Variants in ADAMTS3 observed in about 807,000 individuals in gnomAD.
ADAMTS3 encodes the protein ADAM metallopeptidase with thrombospondin type 1 motif 3.
In ADAMTS3, 73 loss-of-function variants were observed where a neutral mutation model predicts 129.0. That is an observed-to-expected ratio of 0.57 (90% confidence interval 0.47 to 0.69). The LOEUF (loss-of-function observed/expected upper bound fraction) is 0.69. Ranked by LOEUF, ADAMTS3 falls within the 30% of genes least tolerant of loss-of-function variation. The pLI is 0.00. For missense variants in ADAMTS3, 1,457 were observed against 1,514.5 expected (o/e 0.96, Z 0.63); for synonymous variants, 477 against 510.8 (o/e 0.93, Z 0.89).
intron 19 of ADAMTS3, among the ~76,000 whole-genome samples, chr4:72,293,493 T>C (rs1244552754): frequency 6.6e-6 from 1 of 152,142 alleles, no homozygotes; most frequent in African/African-American, 2.4e-5. Flanking sequence ...TTTAGAAACC[T>C]ATACACATTT....
chr4:72,315,680 T>A (rs2109802498), intron 11 of ADAMTS3, among the ~76,000 whole-genome samples, 178 bp downstream of exon 11: 1 of 152,328 alleles, frequency 6.6e-6, no homozygotes, highest in East Asian at 1.9e-4. Flanking sequence ...TGTGAAAATT[T>A]GTTACCTTAG....
intron 17 of ADAMTS3, among the ~76,000 whole-genome samples, chr4:72,299,345 T>C (rs1486424822): frequency 2.0e-5 from 3 of 148,744 alleles, no homozygotes; most frequent in Admixed American, 6.6e-5. Context: ...TGTAGCTAAA[T>C]TGCACTTGTA....
At position 72,305,995 on chromosome 4, in the gene ADAMTS3, T is replaced by G; in HGVS notation, c.2252A>C (p.His751Pro). 1 of 1,611,110 alleles carries G rather than the reference T, an allele frequency of 6.2e-7. No homozygotes were observed. The highest frequency in any genetic ancestry group is 8.5e-7 in the Non-Finnish European group (1 of 1,178,338). The part of the protein sequence containing the change: ...VLIQEDEASP[H>P]ILAIKNQATG... ...CAGACAGAAACACTTACCAAGAATA[T>G]GAGGAGAAGCCTCGTCTTCTTGGAT... is the stretch of plus-strand genomic sequence containing the variant. The change falls in exon 16 of 22, where the codon CAT becomes CCT. Residue 751 changes from histidine to proline, a missense_variant. Physicochemically the swap from His to Pro is moderately conservative, Grantham distance 77 (BLOSUM62 -2). Transcript: ENST00000286657.
intron 20 of ADAMTS3, 41 bp from the exon 21 acceptor site, chr4:72,288,909 C>T (rs893203235): frequency 1.2e-6 from 1 of 843,316 alleles, no homozygotes; most frequent in Non-Finnish European, 2.0e-6. Flanking sequence ...TTTATTGCAC[C>T]AAGACCATGC....
chr4:72,455,743 T>A (rs185074497), intron 3 of ADAMTS3, among the ~76,000 whole-genome samples: 4 of 145,104 alleles, frequency 2.8e-5, no homozygotes, highest in South Asian at 2.1e-4. Context: ...ATTTTTACAA[T>A]TTTTTTCTCA....
chr4:72,303,380 C>T (rs914463887), intron 17 of ADAMTS3, among the ~76,000 whole-genome samples: 5 of 151,894 alleles, frequency 3.3e-5, no homozygotes, highest in Admixed American at 3.3e-4. Context: ...AAACACAGTG[C>T]TGAAAGAAGG....
intron 15 of ADAMTS3, among the ~76,000 whole-genome samples, chr4:72,307,249 AG>A (rs1272148209): frequency 2.0e-5 from 3 of 152,044 alleles, no homozygotes; most frequent in Non-Finnish European, 4.4e-5. Context: ...TTTTGGGATC[AG>A]GGTGTTCAGC....
intron 4 of ADAMTS3, among the ~76,000 whole-genome samples, chr4:72,389,845 T>C (rs1193397476): frequency 1.3e-5 from 2 of 152,124 alleles, no homozygotes. Context: ...ACTCTAACAA[T>C]AAATGAAATT....
At chr4:72,411,265 T>A (rs1229104064) in intron 4 of ADAMTS3, among the ~76,000 whole-genome samples, 3 of 152,124 alleles carry the variant, frequency 2.0e-5, no homozygotes, top group African/African-American at 7.2e-5. Flanking sequence ...CTGTGACTTT[T>A]GTTGGAAACT....
At chr4:72,289,465 T>G (rs1718602461) in intron 20 of ADAMTS3, among the ~76,000 whole-genome samples, 1 of 152,200 alleles carries the variant, frequency 6.6e-6, no homozygotes, top group Non-Finnish European at 1.5e-5. Flanking sequence ...TTTACTGCTC[T>G]AAAACTAAGC....
chr4:72,564,910 A>G (rs1721985908), intron 2 of ADAMTS3, among the ~76,000 whole-genome samples: 1 of 152,184 alleles, frequency 6.6e-6, no homozygotes, highest in Non-Finnish European at 1.5e-5. Context: ...AAAAACTGAC[A>G]CAATCAATTT....
chr4:72,380,340 C>T (rs1040856266), intron 4 of ADAMTS3, among the ~76,000 whole-genome samples: 2 of 152,086 alleles, frequency 1.3e-5, no homozygotes, highest in Non-Finnish European at 2.9e-5. Context: ...AAAGTTTAAA[C>T]CCAAAGACCT....
chr4:72,353,198 T>C (rs1456037388), intron 4 of ADAMTS3, among the ~76,000 whole-genome samples: 1 of 152,004 alleles, frequency 6.6e-6, no homozygotes, highest in East Asian at 1.9e-4. Flanking sequence ...GGCTTCCATG[T>C]CCTTGTTACA....
At chr4:72,402,715 G>C (rs1283033042) in intron 4 of ADAMTS3, among the ~76,000 whole-genome samples, 1 of 152,062 alleles carries the variant, frequency 6.6e-6, no homozygotes, top group South Asian at 2.1e-4. Context: ...AAAACTAGCT[G>C]AAGAGATCAG....
chr4:72,501,867 T>C (rs753390868), intron 3 of ADAMTS3, among the ~76,000 whole-genome samples: 73 of 152,190 alleles, frequency 4.8e-4, no homozygotes, highest in Non-Finnish European at 9.7e-4. Context: ...TCTATTGAGA[T>C]GATCGTATGA....
chr4:72,473,451 A>T (rs1719135636), intron 3 of ADAMTS3, among the ~76,000 whole-genome samples: 1 of 151,900 alleles, frequency 6.6e-6, no homozygotes. Context: ...ACAAAGCCCT[A>T]AAAAAAACAT....
intron 3 of ADAMTS3, among the ~76,000 whole-genome samples, chr4:72,527,699 A>G (rs974463850): frequency 4.6e-5 from 7 of 152,192 alleles, no homozygotes; most frequent in African/African-American, 1.7e-4. Context: ...CAGAAACCAA[A>G]GAGACATGGC....
At chr4:72,430,287 A>C (rs1430636174) in intron 3 of ADAMTS3, among the ~76,000 whole-genome samples, 1 of 152,016 alleles carries the variant, frequency 6.6e-6, no homozygotes, top group Non-Finnish European at 1.5e-5. Context: ...TTCTGAGCCC[A>C]GATGACAAGA....
At chr4:72,561,178 G>A (rs1486953273) in intron 2 of ADAMTS3, among the ~76,000 whole-genome samples, 4 of 151,978 alleles carry the variant, frequency 2.6e-5, no homozygotes, top group Non-Finnish European at 4.4e-5. Context: ...GGTGAAACTC[G>A]TCTCTACCAA....
Sources: gnomAD v4.1 joint callset for allele counts (sites outside exome capture counted in the v4.1 genomes callset) on GRCh38, gnomAD v4.1.1 for gene constraint, MANE v1.5 for transcripts, NCBI Gene and HGNC (gene_info 2026-07-23, HGNC 2026-07-21) for gene names.